The following NAT10 variants were observed in gnomAD, a reference collection of about 807,000 sequenced individuals.
NAT10 encodes the protein RNA cytidine acetyltransferase.
In NAT10, 109 loss-of-function variants were observed where a neutral mutation model predicts 132.2. The ratio of observed to expected loss-of-function variants is 0.82; its 90% CI spans 0.71 to 0.97. The LOEUF is 0.97. NAT10 is among the 50% of genes least tolerant of loss of function. The probability of loss-of-function intolerance (pLI) is 0.00; values close to 1 mark genes in which losing one functional copy is unlikely to be tolerated. For synonymous variants in NAT10, 479 were observed against 478.0 expected, an observed-to-expected ratio of 1.00 and a Z score of -0.03; for missense variants, 1,184 against 1,263.4, an observed-to-expected ratio of 0.94 and a Z score of 0.95.
At chr11:34,134,080 C>T (rs1195187822) in intron 16 of NAT10, among the ~76,000 whole-genome samples, 1 of 151,976 alleles carries the variant, frequency 6.6e-6, no homozygotes, top group Non-Finnish European at 1.5e-5. Context: ...AGGAAAATGG[C>T]ATGAACCCAG....
chr11:34,138,429 T>C (rs929558673), intron 21 of NAT10, among the ~76,000 whole-genome samples: 2 of 152,196 alleles, frequency 1.3e-5, no homozygotes, highest in African/African-American at 2.4e-5. Context: ...TAGTGTCCAG[T>C]GTCCGTCCGA....
In NAT10 at chr11:34,139,290, G is replaced by A; in HGVS notation, c.2308+3G>A. 1.2e-6 allele frequency: 2 copies of A among 1,614,042 alleles called. No individual in the cohort carries two copies. The highest frequency in any genetic ancestry group is 1.1e-5 in the South Asian group (1 of 91,070). On this transcript the variant is annotated splice_donor_region_variant and intron_variant, in intron 22 of 28. Coordinates refer to ENST00000257829, the MANE Select transcript of NAT10 (RefSeq NM_024662.3). Reference sequence around the variant, plus strand: ...CTGGCTTGCAGCCTTCTGGAAAGGTGACTGAGGAGTAGGGGTTTGGGGGAG... The same window carrying A: ...CTGGCTTGCAGCCTTCTGGAAAGGTAACTGAGGAGTAGGGGTTTGGGGGAG...
chr11:34,129,599 C>CTTTTTTTTTTTTTTTTT (rs71037399), intron 12 of NAT10, among the ~76,000 whole-genome samples: 2 of 56,726 alleles, frequency 3.5e-5, no homozygotes, highest in Admixed American at 2.9e-4. Context: ...TCTTCTTCTT[C>CTTTTTTTTTTTTTTTTT]TTTTTTTTTT....
chr11:34,131,515 C>T lies in NAT10; in HGVS notation c.1504C>T (p.Pro502Ser). The T allele has an allele frequency of 6.2e-7, 1 of 1,613,766 alleles. No individual in the cohort carries two copies. The highest frequency in any genetic ancestry group is 1.7e-5 in the Admixed American group (1 of 59,994). The change falls in exon 14 of 29, where the codon CCT (proline) becomes TCT (serine). Residue 502 changes from proline (P) to serine (S), a missense_variant. Coordinates refer to ENST00000257829, the MANE Select transcript of NAT10 (RefSeq NM_024662.3). ...TCGGATAGTCTCAGGCTGCCCCTTG[C>T]CTGAAGCTTGTGAACTGTATCCTCC... is the stretch of plus-strand genomic sequence containing the variant. ...ITRIVSGCPLPEACELYYVNR... is the reference protein window; with the variant it reads ...ITRIVSGCPLSEACELYYVNR...
intron 6 of NAT10, 147 bp from the exon 7 acceptor site, chr11:34,118,033 C>T (rs1851814286): frequency 1.6e-6 from 1 of 615,008 alleles, no homozygotes; most frequent in African/African-American, 1.8e-5. Context: ...GCTGAATCAT[C>T]TCACACTGCT....
At chr11:34,116,909 T>C (rs1339606247) in intron 6 of NAT10, among the ~76,000 whole-genome samples, 1 of 152,094 alleles carries the variant, frequency 6.6e-6, no homozygotes, top group African/African-American at 2.4e-5. Flanking sequence ...TTTGTATTTT[T>C]AGTAGAGGTG....
chr11:34,130,401 A>G (rs1029612414), intron 12 of NAT10, among the ~76,000 whole-genome samples: 1 of 152,188 alleles, frequency 6.6e-6, no homozygotes, highest in Non-Finnish European at 1.5e-5. Context: ...TTAGTTGACC[A>G]TTTAACTTTG....
chr11:34,123,602 C>T (rs909541902), intron 9 of NAT10, among the ~76,000 whole-genome samples, 160 bp from the exon 10 acceptor site: 2 of 152,246 alleles, frequency 1.3e-5, no homozygotes, highest in South Asian at 4.1e-4. Context: ...TCTGGAGTTG[C>T]TTTACTTTCC....
chr11:34,116,098 C>T (rs183587820), intron 6 of NAT10, among the ~76,000 whole-genome samples: 9 of 152,328 alleles, frequency 5.9e-5, no homozygotes, highest in Non-Finnish European at 1.0e-4. Flanking sequence ...TTTTGTCTTG[C>T]TGCTGGCCTT....
Position 34,123,770 on chromosome 11 carries a change from A to G in NAT10, c.923A>G (p.Asn308Ser), listed in dbSNP as rs368444330. The G allele has an allele frequency of 2.4e-5, 38 of 1,598,072 alleles. No individual in the cohort carries two copies. The highest frequency in any genetic ancestry group is 8.8e-5 in the South Asian group (8 of 90,722). The stretch of plus-strand genomic sequence containing the variant: ...TTTATTTTGTTCTGTAGGTACTCCA[A>G]TATCTTTGTTACCTCCCCAAGCCCT... ...IAGAVAFGYSNIFVTSPSPDN... is the reference protein window; with the variant it reads ...IAGAVAFGYSSIFVTSPSPDN... Residue 308 changes from asparagine to serine, a missense_variant, in exon 10 of 29, where the codon AAT becomes AGT. By Grantham distance (46) the Asn-to-Ser change is conservative (BLOSUM62 1). Transcript: ENST00000257829.
chr11:34,108,738 G>T lies in NAT10; in HGVS notation c.109-4G>T. 2.5e-6 allele frequency: 4 copies of T among 1,606,374 alleles called. No homozygotes were observed. Among genetic ancestry groups the T allele is most frequent in the Non-Finnish European group, 3.4e-6 (4 of 1,177,590 alleles). ...TGAAATTCTGTGACTTTTTTGTTTG[G>T]CAGGTGGTAATACTTCATCACATGT... On this transcript the variant is annotated splice_region_variant and splice_polypyrimidine_tract_variant and intron_variant, in intron 2 of 28. Transcript: ENST00000257829.
At chr11:34,131,259 T>A in intron 13 of NAT10, 122 bp from the exon 14 acceptor site, 1 of 1,365,452 alleles carries the variant, frequency 7.3e-7, no homozygotes, top group Non-Finnish European at 9.8e-7. Flanking sequence ...CAGTTTAAAT[T>A]CTTACCACAC....
chr11:34,138,122 G>GATCCT (rs1024416317), intron 21 of NAT10, among the ~76,000 whole-genome samples: 6 of 152,200 alleles, frequency 3.9e-5, no homozygotes, highest in African/African-American at 1.4e-4. Flanking sequence ...TGCTGGGTTC[G>GATCCT]ATCCTGCAAT....
chr11:34,139,343 G>A (rs1434712967), intron 22 of NAT10, 42 bp from the exon 23 acceptor site: 11 of 1,612,086 alleles, frequency 6.8e-6, no homozygotes, highest in Non-Finnish European at 9.3e-6. Flanking sequence ...GGCTGCCGGG[G>A]ATGCCTCCAG....
rs1030826851 is a variant in NAT10, at chr11:34,134,249, G to A, written c.1735-70G>A. 1.5e-5 allele frequency: 20 copies of A among 1,335,018 alleles called. No individual in the cohort carries two copies. In the African/African-American group the frequency reaches 2.3e-4, roughly 15 times the overall value. 82.7% of individuals were successfully genotyped at this position (1,335,018 alleles called of 1,614,324 possible). On this transcript the variant is annotated intron_variant, in intron 16 of 28. Coordinates refer to ENST00000257829, the MANE Select transcript of NAT10 (RefSeq NM_024662.3). ...ACAACTGGCCTAGTTCGAGAAACAA[G>A]CTATATTCTGTGAGTGGGCTCTGTA...
chr11:34,142,141 A>G (rs145087510), intron 26 of NAT10, 134 bp from the exon 27 acceptor site: 10,531 of 819,088 alleles, frequency 0.013, 127 homozygotes, highest in South Asian at 0.023. Context: ...GCTGCCTACA[A>G]GGTTTTTGCA....
chr11:34,142,226 G>A, intron 26 of NAT10, 49 bp from the exon 27 acceptor site: 3 of 1,572,996 alleles, frequency 1.9e-6, no homozygotes, highest in Non-Finnish European at 1.7e-6. Context: ...CCTGTGTTTG[G>A]TTCAATCCTT....
At chr11:34,107,524 C>T (rs1464789911) in intron 1 of NAT10, among the ~76,000 whole-genome samples, 1 of 152,192 alleles carries the variant, frequency 6.6e-6, no homozygotes, top group Non-Finnish European at 1.5e-5. Flanking sequence ...TTGGTATTTC[C>T]TTCCAGTCTT....
chr11:34,111,906 C>A, intron 3 of NAT10, 146 bp from the exon 4 acceptor site: 1 of 849,074 alleles, frequency 1.2e-6, no homozygotes, highest in Non-Finnish European at 1.8e-6. Context: ...CTCCACTGCC[C>A]TCCACCTGAA....
Sources: allele counts gnomAD v4.1 joint callset (sites outside exome capture counted in the v4.1 genomes callset), GRCh38; gene constraint gnomAD v4.1.1; transcripts MANE v1.5; gene names NCBI Gene and HGNC (gene_info 2026-07-23, HGNC 2026-07-21).